Variants in TMEM132C observed in about 807,000 individuals in gnomAD.
TMEM132C encodes transmembrane protein 132C.
TMEM132C carries 29 observed loss-of-function variants against 61.4 expected under a neutral mutation model. The observed-to-expected ratio is 0.47, with a 90% CI of 0.35 to 0.64. The LOEUF (loss-of-function observed/expected upper bound fraction) is 0.64. Ranked by LOEUF, TMEM132C falls within the 30% of genes least tolerant of loss-of-function variation. TMEM132C has a pLI of 0.00. For synonymous variants in TMEM132C, 656 were observed against 633.1 expected (o/e 1.04, Z -0.54); for missense variants, 1,408 against 1,476.9 (o/e 0.95, Z 0.76).
At chr12:128,332,956 G>A (rs1872699124) in intron 1 of TMEM132C, among the ~76,000 whole-genome samples, 1 of 152,196 alleles carries the variant, frequency 6.6e-6, no homozygotes, top group African/African-American at 2.4e-5. Flanking sequence ...TTGGAGTCCA[G>A]GGCTAGAAAA....
intron 3 of TMEM132C, among the ~76,000 whole-genome samples, chr12:128,594,068 G>C (rs1037520373): frequency 2.7e-5 from 3 of 112,192 alleles, no homozygotes; most frequent in African/African-American, 7.0e-5. Context: ...GGAAACAAGA[G>C]GGAACAAAGA....
intron 2 of TMEM132C, among the ~76,000 whole-genome samples, chr12:128,433,009 A>G (rs1230270277): frequency 1.6e-5 from 1 of 61,160 alleles, no homozygotes; most frequent in Non-Finnish European, 3.6e-5. Flanking sequence ...CAAAAAATAA[A>G]TAAATAAATA....
At chr12:128,651,213 T>C (rs1171802971) in intron 4 of TMEM132C, among the ~76,000 whole-genome samples, 1 of 152,238 alleles carries the variant, frequency 6.6e-6, no homozygotes, top group Non-Finnish European at 1.5e-5. Flanking sequence ...GAAGATTTTG[T>C]TTCCTGGTCT....
chr12:128,683,995 T>TAAAC (rs1278106120), intron 5 of TMEM132C, among the ~76,000 whole-genome samples: 5 of 151,084 alleles, frequency 3.3e-5, no homozygotes, highest in Admixed American at 2.6e-4. Context: ...AATAAATAAA[T>TAAAC]AAATAAATAA....
In TMEM132C at chr12:128,415,154, C is replaced by T; in HGVS notation, c.508C>T (p.Leu170=). The T allele has an allele frequency of 1.9e-6, 3 of 1,611,022 alleles. No individual in the cohort carries two copies. The highest frequency in any genetic ancestry group is 2.5e-6 in the Non-Finnish European group (3 of 1,178,590). The stretch of plus-strand genomic sequence containing the variant: ...CGGCGCCGGGGAGAAGCTGCCATGC[C>T]TGAGGGTCTTTGCTTTCCGAGAAAC... ...DHGAGEKLPC[L]RVFAFRETRE... Residue 170 remains leucine (L), a synonymous_variant, in exon 2 of 9, where the codon CTG becomes TTG. Transcript: ENST00000435159. The surrounding 1 kb of genome is among the most constrained non-coding windows in gnomAD (Gnocchi z 5.8).
intron 3 of TMEM132C, among the ~76,000 whole-genome samples, chr12:128,558,004 G>T (rs146475547): frequency 6.6e-6 from 1 of 152,162 alleles, no homozygotes; most frequent in East Asian, 1.9e-4. Flanking sequence ...GCGGTTTCGC[G>T]CACATTAGTC....
At chr12:128,595,099 G>A (rs560276887) in intron 3 of TMEM132C, among the ~76,000 whole-genome samples, 44 of 152,250 alleles carry the variant, frequency 2.9e-4, no homozygotes, top group Non-Finnish European at 5.1e-4. Flanking sequence ...ACTGCTCTCC[G>A]GAGAACAGTG....
Position 128,474,699 on chromosome 12 carries a change from G to A in TMEM132C, c.974+59079G>A, listed in dbSNP as rs116142555. Among the ~76,000 whole-genome samples the A allele has an allele frequency of 4.3e-3, 660 of 152,218 alleles. 2 individuals are homozygous for A. Among genetic ancestry groups the A allele is most frequent in the African/African-American group, 0.013 (539 of 41,532 alleles). On this transcript the variant is annotated intron_variant, in intron 2 of 8. Coordinates refer to ENST00000435159, the MANE Select transcript of TMEM132C (RefSeq NM_001136103.3). ...GGGAGAAGAAATTACAATATAGCCC[G>A]TTTGTGCCACTCCATGCAGTCCCTT...
intron 4 of TMEM132C, among the ~76,000 whole-genome samples, chr12:128,624,763 T>G (rs1953999587): frequency 6.6e-6 from 1 of 152,140 alleles, no homozygotes; most frequent in South Asian, 2.1e-4. Flanking sequence ...CAAACAGTAG[T>G]TCATAAATCA....
intron 1 of TMEM132C, among the ~76,000 whole-genome samples, chr12:128,275,876 T>C (rs1365914873): frequency 6.6e-6 from 1 of 152,184 alleles, no homozygotes; most frequent in Non-Finnish European, 1.5e-5. Flanking sequence ...GTCAGGGCCA[T>C]GCACTGTGCT....
At chr12:128,557,200 A>AG (rs1192479150) in intron 3 of TMEM132C, among the ~76,000 whole-genome samples, 3 of 152,320 alleles carry the variant, frequency 2.0e-5, no homozygotes, top group Non-Finnish European at 4.4e-5. Context: ...CCAGCCCAGC[A>AG]TTACCTCTGG....
chr12:128,314,557 A>G (rs1349335951), intron 1 of TMEM132C, among the ~76,000 whole-genome samples: 2 of 152,176 alleles, frequency 1.3e-5, no homozygotes, highest in Non-Finnish European at 2.9e-5. Flanking sequence ...AAATAGAGTC[A>G]TTGCAGATAT....
chr12:128,651,119 C>T (rs75989283), intron 4 of TMEM132C, among the ~76,000 whole-genome samples: 7,994 of 152,296 alleles, frequency 0.052, 286 homozygotes, highest in African/African-American at 0.096. Context: ...TAGCCCCATC[C>T]TTCTTGGGGT....
intron 2 of TMEM132C, among the ~76,000 whole-genome samples, chr12:128,497,642 A>G (rs941065976): frequency 2.6e-5 from 4 of 152,322 alleles, no homozygotes; most frequent in South Asian, 2.1e-4. Flanking sequence ...GGTGCGGGAT[A>G]TAATCTCCTG....
At chr12:128,577,160 G>A (rs1875141917) in intron 3 of TMEM132C, among the ~76,000 whole-genome samples, 1 of 152,102 alleles carries the variant, frequency 6.6e-6, no homozygotes. Context: ...GACATTTTAT[G>A]TACATGGAAT....
intron 1 of TMEM132C, among the ~76,000 whole-genome samples, chr12:128,295,936 TG>T (rs1360846102): frequency 1.3e-5 from 2 of 152,212 alleles, no homozygotes; most frequent in African/African-American, 4.8e-5. Flanking sequence ...ATCTTCAGGT[TG>T]TAATGGGATA....
At position 128,696,049 on chromosome 12, in the gene TMEM132C, C is replaced by A; in HGVS notation, c.1875C>A (p.Thr625=). 1 of 1,551,716 alleles carries A rather than the reference C, an allele frequency of 6.4e-7. No homozygotes were observed. The highest frequency in any genetic ancestry group is 8.7e-7 in the Non-Finnish European group (1 of 1,147,002). Reference sequence around the variant, plus strand: ...AGCTGGAGGAACCTCACGTGGCCACCCTCCAGGACAGCCGGGTCCTGGTTG... The same window carrying A: ...AGCTGGAGGAACCTCACGTGGCCACACTCCAGGACAGCCGGGTCCTGGTTG... ...FMKLEEPHVA[T]LQDSRVLVGR... Residue 625 remains threonine (T), a synonymous_variant, in exon 7 of 9, where the codon ACC becomes ACA. Transcript: ENST00000435159.
chr12:128,604,897 G>A (rs969910647), intron 3 of TMEM132C, among the ~76,000 whole-genome samples: 1 of 151,938 alleles, frequency 6.6e-6, no homozygotes, highest in African/African-American at 2.4e-5. Context: ...ATGATGGATG[G>A]ATGGATGGTT....
Position 128,419,583 on chromosome 12 carries a change from T to G in TMEM132C, c.974+3963T>G, listed in dbSNP as rs866079657. 1.9e-3 allele frequency among the ~76,000 whole-genome samples: 282 copies of G among 152,304 alleles called. 1 individual carries two copies. Among genetic ancestry groups the G allele is most frequent in the African/African-American group, 6.4e-3 (266 of 41,556 alleles). Reference sequence around the variant, plus strand: ...CAGCACCTACTAATCTTGTTTTTTTTTTTTTTTTGGCGAAAGGAAAGACAG... The same window carrying G: ...CAGCACCTACTAATCTTGTTTTTTTGTTTTTTTTGGCGAAAGGAAAGACAG... On this transcript the variant is annotated intron_variant, in intron 2 of 8. Coordinates refer to ENST00000435159, the MANE Select transcript of TMEM132C (RefSeq NM_001136103.3).
Sources: allele counts gnomAD v4.1 joint callset (sites outside exome capture counted in the v4.1 genomes callset), GRCh38; gene constraint gnomAD v4.1.1; non-coding constraint Gnocchi (gnomAD v3.1); transcripts MANE v1.5; gene names NCBI Gene and HGNC (gene_info 2026-07-23, HGNC 2026-07-21).